Variants in ZNF713 observed in about 807,000 individuals in gnomAD.
The protein encoded by ZNF713 is zinc finger protein 713.
A neutral mutation model predicts 28.7 loss-of-function variants in ZNF713; 21 were observed. The observed-to-expected ratio is 0.73, with a 90% CI of 0.52 to 1.05. The LOEUF is 1.05. ZNF713 is among the 50% of genes least tolerant of loss of function. The pLI is 0.00. For missense variants in ZNF713, 458 were observed against 532.4 expected (o/e 0.86, Z 1.37); for synonymous variants, 167 against 178.0 (o/e 0.94, Z 0.49).
At position 55,939,442 on chromosome 7, in the gene ZNF713, T is replaced by C. The variant is rs557701970; in HGVS notation, c.768T>C (p.Thr256=). The change falls in exon 7 of 7, where the codon ACT becomes ACC. Residue 256 remains threonine (T), a synonymous_variant. Coordinates refer to ENST00000429591, the MANE Select transcript of ZNF713 (RefSeq NM_182633.3). The stretch of plus-strand genomic sequence containing the variant: ...TTCTTCTTACTGATCATATTCATAC[T>C]GCAGAGAAACCCAGTGAGTGTGGGA... ...QHILLTDHIH[T]AEKPSECGKA... The C allele has an allele frequency of 6.2e-7, 1 of 1,614,104 alleles. No homozygotes were observed. The highest frequency in any genetic ancestry group is 8.5e-7 in the Non-Finnish European group (1 of 1,180,044).
intron 6 of ZNF713, among the ~76,000 whole-genome samples, chr7:55,927,713 A>T (rs973956973): frequency 1.3e-5 from 2 of 151,912 alleles, no homozygotes; most frequent in African/African-American, 4.8e-5. Flanking sequence ...CCTGGCCAAC[A>T]TGGTAAAACC....
intron 1 of ZNF713, among the ~76,000 whole-genome samples, chr7:55,898,573 A>G (rs1199106042): frequency 6.6e-6 from 1 of 152,210 alleles, no homozygotes; most frequent in Non-Finnish European, 1.5e-5. Flanking sequence ...AGATCTCGTG[A>G]GAATTCACTC....
chr7:55,913,423 G>C (rs1414437411), intron 4 of ZNF713, among the ~76,000 whole-genome samples: 1 of 150,584 alleles, frequency 6.6e-6, no homozygotes, highest in Non-Finnish European at 1.5e-5. Flanking sequence ...GGATGGTCTC[G>C]ATCTTCTGTC....
At chr7:55,922,051 G>A (rs1234269062) in intron 4 of ZNF713, among the ~76,000 whole-genome samples, 1 of 152,080 alleles carries the variant, frequency 6.6e-6, no homozygotes, top group Non-Finnish European at 1.5e-5. Context: ...TCAGGCTCCT[G>A]AGTAGCTGGG....
chr7:55,923,100 C>T (rs1360379922), intron 4 of ZNF713, 62 bp from the exon 5 acceptor site: 5 of 1,529,868 alleles, frequency 3.3e-6, no homozygotes, highest in Admixed American at 2.0e-5. Flanking sequence ...CTTTCATTCC[C>T]TCCCTTGAGG....
intron 4 of ZNF713, 69 bp from the exon 5 acceptor site, chr7:55,923,093 T>C: frequency 1.3e-6 from 2 of 1,510,906 alleles, no homozygotes; most frequent in Non-Finnish European, 1.8e-6. Context: ...TGCTACACTT[T>C]CATTCCCTCC....
chr7:55,938,224 A>C (rs1023886285), intron 6 of ZNF713, among the ~76,000 whole-genome samples: 18 of 152,162 alleles, frequency 1.2e-4, no homozygotes, highest in African/African-American at 4.1e-4. Flanking sequence ...AAAAACAAAA[A>C]AAAGAGGAAA....
At chr7:55,896,255 T>G (rs1021141045) in intron 1 of ZNF713, among the ~76,000 whole-genome samples, 3 of 152,082 alleles carry the variant, frequency 2.0e-5, no homozygotes, top group African/African-American at 7.2e-5. Flanking sequence ...GTAACCACAT[T>G]GAAAGAGGTG....
intron 1 of ZNF713, among the ~76,000 whole-genome samples, chr7:55,890,539 G>A (rs1379912658): frequency 6.6e-6 from 1 of 151,956 alleles, no homozygotes; most frequent in African/African-American, 2.4e-5. Context: ...ACTAATTTGT[G>A]GGTGTGGAAT....
Position 55,940,057 on chromosome 7 carries a change from T to G in ZNF713, c.*51T>G. ...TATATAAATGTAGGAGATTTTTTGG[T>G]CAGACCTTTTTATCCCATTCAATAT... On this transcript the variant is annotated 3_prime_UTR_variant, in exon 7 of 7. Coordinates refer to ENST00000429591, the MANE Select transcript of ZNF713 (RefSeq NM_182633.3). 6.6e-7 allele frequency: 1 copy of G among 1,508,692 alleles called. No individual in the cohort carries two copies. Among genetic ancestry groups the G allele is most frequent in the Non-Finnish European group, 8.8e-7 (1 of 1,132,272 alleles). The allele number at this position is 1,508,692 out of a possible 1,614,324, so 93.5% of individuals were successfully genotyped here. A position where few individuals can be genotyped will look rare whatever the true frequency, so the allele number is the denominator to read the frequency against.
chr7:55,904,665 AAG>A (rs1444053707), intron 1 of ZNF713, among the ~76,000 whole-genome samples: 5 of 152,102 alleles, frequency 3.3e-5, no homozygotes, highest in Admixed American at 2.6e-4. Context: ...CCTTGAAAAA[AAG>A]AGAGGATGGT....
chr7:55,898,323 T>TA (rs1179355936), intron 1 of ZNF713, among the ~76,000 whole-genome samples: 2 of 152,206 alleles, frequency 1.3e-5, no homozygotes, highest in African/African-American at 2.4e-5. Flanking sequence ...TTGCAAACGA[T>TA]ACATCTGATA....
rs952256586 is a variant in ZNF713, at chr7:55,940,957, A to T, written c.*951A>T. The T allele has an allele frequency of 6.7e-6, 1 of 148,614 alleles. No homozygotes were observed. The highest frequency in any genetic ancestry group is 1.5e-5 in the Non-Finnish European group (1 of 67,162). The allele number at this position is 148,614 out of a possible 1,614,324, so 9.2% of individuals were successfully genotyped here. A position where few individuals can be genotyped will look rare whatever the true frequency, so the allele number is the denominator to read the frequency against. ...CAGCCTCCCGAGTAGCTGGGACTAC[A>T]GGTGCGTACCACCACGCCTGGCTAA... On this transcript the variant is annotated 3_prime_UTR_variant, in exon 7 of 7. Coordinates refer to ENST00000429591, the MANE Select transcript of ZNF713 (RefSeq NM_182633.3).
At position 55,939,401 on chromosome 7, in the gene ZNF713, A is replaced by G; in HGVS notation, c.727A>G (p.Ile243Val). 1 of 1,613,824 alleles carries G rather than the reference A, an allele frequency of 6.2e-7. No individual in the cohort carries two copies. The highest frequency in any genetic ancestry group is 1.1e-5 in the South Asian group (1 of 91,044). ...CTATGAATATAGTGAGTGTGGAAAA[A>G]TCTTCAATCAACATATTCTTCTTAC... ...TPYEYSECGK[I>V]FNQHILLTDH... Residue 243 changes from isoleucine (I) to valine (V), a missense_variant, in exon 7 of 7, where the codon ATC (isoleucine) becomes GTC (valine). By Grantham distance (29) the Ile-to-Val change is conservative. Coordinates refer to ENST00000429591, the MANE Select transcript of ZNF713 (RefSeq NM_182633.3).
intron 6 of ZNF713, among the ~76,000 whole-genome samples, chr7:55,926,861 T>C (rs1786106456): frequency 6.6e-6 from 1 of 152,196 alleles, no homozygotes; most frequent in Admixed American, 6.6e-5. Context: ...CCGGGCACAG[T>C]GGCTCATGGC....
chr7:55,891,990 T>C (rs1323029945), intron 1 of ZNF713, among the ~76,000 whole-genome samples: 1 of 152,074 alleles, frequency 6.6e-6, no homozygotes, highest in Non-Finnish European at 1.5e-5. Context: ...TTTATAAAAA[T>C]CACAAGTGGC....
chr7:55,907,806 C>A (rs531224550), intron 2 of ZNF713, among the ~76,000 whole-genome samples: 1 of 152,280 alleles, frequency 6.6e-6, no homozygotes, highest in South Asian at 2.1e-4. Flanking sequence ...TTTTTTATGG[C>A]TGCCTAGTAT....
At position 55,919,740 on chromosome 7, in the gene ZNF713, T is replaced by G. The variant is rs1199550671; in HGVS notation, c.88-3422T>G. 4.3e-4 allele frequency among the ~76,000 whole-genome samples: 65 copies of G among 152,036 alleles called. 1 individual carries two copies. The highest frequency in any genetic ancestry group is 4.3e-4 in the Non-Finnish European group (29 of 68,010). On this transcript the variant is annotated intron_variant, in intron 4 of 6. Coordinates refer to ENST00000429591, the MANE Select transcript of ZNF713 (RefSeq NM_182633.3). ...TACAAAAATACACATACTATAAATG[T>G]TAAAAGCTCAATTAATCACCAAATG...
In ZNF713 at chr7:55,940,174, G is replaced by A; in HGVS notation, c.*168G>A. Reference sequence around the variant, plus strand: ...GTCTCACTCTGTCACCCAGGCTGAAGTGCAGTGGTACAATCTTGGCTCACT... The same window carrying A: ...GTCTCACTCTGTCACCCAGGCTGAAATGCAGTGGTACAATCTTGGCTCACT... On this transcript the variant is annotated 3_prime_UTR_variant, in exon 7 of 7. Transcript: ENST00000429591. 1.6e-6 allele frequency: 2 copies of A among 1,226,908 alleles called. No individual in the cohort carries two copies. The highest frequency in any genetic ancestry group is 1.8e-5 in the South Asian group (1 of 55,416). 76.0% of individuals were successfully genotyped at this position (1,226,908 alleles called of 1,614,324 possible). A position where few individuals can be genotyped will look rare whatever the true frequency, so the allele number is the denominator to read the frequency against.
Sources: allele counts gnomAD v4.1 joint callset (sites outside exome capture counted in the v4.1 genomes callset), GRCh38; gene constraint gnomAD v4.1.1; transcripts MANE v1.5; gene names NCBI Gene and HGNC (gene_info 2026-07-23, HGNC 2026-07-21).